The following PTPRT variants were observed in gnomAD, a reference collection of about 807,000 sequenced individuals.
PTPRT encodes the protein protein tyrosine phosphatase receptor type T, also known as receptor-type tyrosine-protein phosphatase T.
In PTPRT, 56 loss-of-function variants were observed where a neutral mutation model predicts 176.8. That is an observed-to-expected ratio of 0.32 (90% CI 0.26 to 0.40). PTPRT has a LOEUF of 0.40. Ranked by LOEUF, PTPRT falls within the 10% of genes least tolerant of loss-of-function variation. The probability of loss-of-function intolerance (pLI) is 1.00; values close to 1 mark genes in which losing one functional copy is unlikely to be tolerated. For synonymous variants in PTPRT, 783 were observed against 739.0 expected (o/e 1.06, Z -0.96); for missense variants, 1,540 against 1,908.2 (o/e 0.81, Z 3.60).
chr20:42,121,888 C>CATA (rs1987610749), intron 19 of PTPRT, among the ~76,000 whole-genome samples: 1 of 151,990 alleles, frequency 6.6e-6, no homozygotes, highest in South Asian at 2.1e-4. Flanking sequence ...GCCTGGAGGC[C>CATA]ATTATCTTAA....
At chr20:42,738,663 T>C (rs2076569295) in intron 6 of PTPRT, among the ~76,000 whole-genome samples, 1 of 152,240 alleles carries the variant, frequency 6.6e-6, no homozygotes, top group African/African-American at 2.4e-5. Flanking sequence ...AGAAGATTAC[T>C]GGGGCATAAC....
intron 7 of PTPRT, among the ~76,000 whole-genome samples, chr20:42,624,880 A>C (rs1455194151): frequency 6.6e-6 from 1 of 152,198 alleles, no homozygotes; most frequent in Non-Finnish European, 1.5e-5. Context: ...GGACTAGCAT[A>C]TACGGTGAGG....
chr20:42,706,193 G>C lies in PTPRT; in HGVS notation c.860-28034C>G, dbSNP rs796149457. On this transcript the variant is annotated intron_variant, in intron 6 of 30. Coordinates refer to ENST00000373187, the MANE Select transcript of PTPRT (RefSeq NM_007050.6). ...TCTCTCTCTGTTTGTGTGTGTGTGT[G>C]TGTGTGTGTGTGTGTGTGTGTGTGT... 4.4e-3 allele frequency among the ~76,000 whole-genome samples: 645 copies of C among 148,076 alleles called. 6 individuals are homozygous for C. The highest frequency in any genetic ancestry group is 5.7e-3 in the South Asian group (27 of 4,698).
chr20:42,199,181 A>G (rs1991348661), intron 16 of PTPRT, 59 bp downstream of exon 16: 2 of 1,573,030 alleles, frequency 1.3e-6, no homozygotes, highest in Admixed American at 3.4e-5. Flanking sequence ...TTCACAGCAG[A>G]AGTACTAGGG....
In PTPRT at chr20:42,730,238, T is replaced by G. The variant is rs368480285; in HGVS notation, c.859+26224A>C. 1.2e-4 allele frequency among the ~76,000 whole-genome samples: 18 copies of G among 152,312 alleles called. No individual in the cohort carries two copies. The East Asian group carries it at 2.7e-3, about 23-fold the overall frequency. On this transcript the variant is annotated intron_variant, in intron 6 of 30. Coordinates refer to ENST00000373187, the MANE Select transcript of PTPRT (RefSeq NM_007050.6). ...TCCATATTTCTCCAGGAGGGTGCTC[T>G]GATAGATGGTAGAAGTTGGGCTTCC...
chr20:42,311,907 T>C (rs970508774), intron 12 of PTPRT, among the ~76,000 whole-genome samples: 2 of 152,224 alleles, frequency 1.3e-5, no homozygotes, highest in South Asian at 4.1e-4. Flanking sequence ...AGTAATTATG[T>C]ATTCCCTCTT....
chr20:42,517,452 T>C (rs1296009469), intron 7 of PTPRT, among the ~76,000 whole-genome samples: 1 of 151,990 alleles, frequency 6.6e-6, no homozygotes, highest in Non-Finnish European at 1.5e-5. Flanking sequence ...TATTATGGAA[T>C]TAACTTTGAC....
At chr20:42,923,384 A>G (rs188223721) in intron 1 of PTPRT, among the ~76,000 whole-genome samples, 1 of 152,230 alleles carries the variant, frequency 6.6e-6, no homozygotes, top group Non-Finnish European at 1.5e-5. Flanking sequence ...TGGTCCGTGA[A>G]TTTGCAATCT....
chr20:43,165,224 T>C (rs1441841745), intron 1 of PTPRT, among the ~76,000 whole-genome samples: 1 of 151,256 alleles, frequency 6.6e-6, no homozygotes, highest in Non-Finnish European at 1.5e-5. Context: ...AATGGCGCAA[T>C]GTCGGCTCAC....
chr20:42,540,393 A>G (rs575127874), intron 7 of PTPRT, among the ~76,000 whole-genome samples: 7 of 152,242 alleles, frequency 4.6e-5, no homozygotes, highest in African/African-American at 1.4e-4. Flanking sequence ...CAAGGCAGGA[A>G]AAAAAGAAAA....
rs2076833880 is a variant in PTPRT at position 42,756,463 on chromosome 20, T to C, written c.858A>G (p.Lys286=). Residue 286 remains lysine (K), a splice_region_variant and synonymous_variant, in exon 6 of 31, where the codon AAA becomes AAG. Transcript: ENST00000373187. The part of the protein sequence containing the change: ...GVSNYAELIV[K]EPPTPIAPPE... Reference sequence around the variant, plus strand: ...GAGGCGCAGGCTGGAGGCACTCACCTTTCACGATCAGCTCCGCGTAGTTGG... The same window carrying C: ...GAGGCGCAGGCTGGAGGCACTCACCCTTCACGATCAGCTCCGCGTAGTTGG... 6 of 1,549,818 alleles carry C rather than the reference T, an allele frequency of 3.9e-6. No homozygotes were observed. The highest frequency in any genetic ancestry group is 5.2e-6 in the Non-Finnish European group (6 of 1,142,996).
intron 1 of PTPRT, among the ~76,000 whole-genome samples, chr20:42,908,778 T>G (rs1162790354): frequency 6.6e-6 from 1 of 152,192 alleles, no homozygotes; most frequent in African/African-American, 2.4e-5. Flanking sequence ...CACTGAGTAA[T>G]CAAATAGTCT....
At chr20:42,569,838 T>C (rs1287115579) in intron 7 of PTPRT, among the ~76,000 whole-genome samples, 1 of 152,196 alleles carries the variant, frequency 6.6e-6, no homozygotes, top group Non-Finnish European at 1.5e-5. Context: ...GCCACATTTA[T>C]GAGCTAAATA....
intron 22 of PTPRT, among the ~76,000 whole-genome samples, chr20:42,113,699 C>T (rs1987131781): frequency 6.6e-6 from 1 of 152,242 alleles, no homozygotes; most frequent in Non-Finnish European, 1.5e-5. Flanking sequence ...CCCTCTCCTG[C>T]TTCCCACTCT....
chr20:42,581,610 C>T (rs2073374338), intron 7 of PTPRT, among the ~76,000 whole-genome samples: 1 of 151,456 alleles, frequency 6.6e-6, no homozygotes, highest in African/African-American at 2.4e-5. Flanking sequence ...AACATTACTC[C>T]ATCCCTAAGT....
chr20:43,185,412 T>C (rs544633078), intron 1 of PTPRT, among the ~76,000 whole-genome samples: 1 of 150,954 alleles, frequency 6.6e-6, no homozygotes, highest in East Asian at 1.9e-4. Flanking sequence ...CACGGGAGAG[T>C]GTAGGAAGGG....
chr20:42,366,012 C>T (rs998845429), intron 9 of PTPRT, among the ~76,000 whole-genome samples: 1 of 152,220 alleles, frequency 6.6e-6, no homozygotes, highest in Admixed American at 6.5e-5. Flanking sequence ...GCCAGGAAGA[C>T]GTGCTCTCTG....
chr20:42,902,962 T>C (rs936083320), intron 1 of PTPRT, among the ~76,000 whole-genome samples: 14 of 152,204 alleles, frequency 9.2e-5, no homozygotes, highest in African/African-American at 3.4e-4. Flanking sequence ...AAGCAGTGAT[T>C]GAAAGCTATG....
chr20:42,391,246 C>T (rs1366662220), intron 9 of PTPRT, among the ~76,000 whole-genome samples: 1 of 151,712 alleles, frequency 6.6e-6, no homozygotes, highest in Non-Finnish European at 1.5e-5. Flanking sequence ...TCAGATCCCT[C>T]GACTACACCT....
Sources: gnomAD v4.1 joint callset for allele counts (sites outside exome capture counted in the v4.1 genomes callset) on GRCh38, gnomAD v4.1.1 for gene constraint, MANE v1.5 for transcripts, NCBI Gene and HGNC (gene_info 2026-07-23, HGNC 2026-07-21) for gene names.